Variants in PTPN14 observed in about 807,000 individuals in gnomAD.
The protein encoded by PTPN14 is tyrosine-protein phosphatase non-receptor type 14.
In PTPN14, 53 loss-of-function variants were observed where a neutral mutation model predicts 126.8. The ratio of observed to expected loss-of-function variants is 0.42; its 90% CI spans 0.34 to 0.53. PTPN14 has a LOEUF of 0.53. Among genes scored for constraint, PTPN14 ranks in the 20% least tolerant of loss-of-function variants. The pLI, the probability that PTPN14 is intolerant of heterozygous loss-of-function variation, is 0.08. For missense variants in PTPN14, 1,257 were observed against 1,552.9 expected (o/e 0.81, Z 3.20); for synonymous variants, 630 against 599.3 (o/e 1.05, Z -0.75).
chr1:214,403,472 C>T (rs114079648), intron 5 of PTPN14, among the ~76,000 whole-genome samples: 4,653 of 152,234 alleles, frequency 0.031, 115 homozygotes, highest in Middle Eastern at 0.065. Flanking sequence ...GAAGCCATGA[C>T]GGCTAAAACA....
intron 1 of PTPN14, among the ~76,000 whole-genome samples, chr1:214,510,716 C>T (rs1427628799): frequency 6.6e-6 from 1 of 152,162 alleles, no homozygotes. Context: ...CTACTTTGGA[C>T]ACATAGCTAG....
intron 1 of PTPN14, among the ~76,000 whole-genome samples, chr1:214,513,859 G>A (rs962140196): frequency 1.3e-5 from 2 of 152,110 alleles, no homozygotes; most frequent in Non-Finnish European, 2.9e-5. Flanking sequence ...GGCAAAAGTC[G>A]ATTCTCATTA....
chr1:214,511,846 T>C (rs762409608), intron 1 of PTPN14, among the ~76,000 whole-genome samples: 5 of 152,234 alleles, frequency 3.3e-5, no homozygotes, highest in Non-Finnish European at 5.9e-5. Context: ...TCCTGATACA[T>C]GCTACAACAT....
rs1242280205 is a variant in PTPN14, at chr1:214,384,524, T to C, written c.1331A>G (p.Asp444Gly). Reference protein sequence around the residue: ...IIVPSYRPTPDYETVMRQMKR... With the variant: ...IIVPSYRPTPGYETVMRQMKR... Reference sequence around the variant, plus strand: ...CATCTGGCGCATGACTGTCTCATAATCGGGGGTTGGCCTGTACGAGGGCAC... The same window carrying C: ...CATCTGGCGCATGACTGTCTCATAACCGGGGGTTGGCCTGTACGAGGGCAC... The change falls in exon 13 of 19, where the codon GAT becomes GGT. Residue 444 changes from aspartate to glycine, a missense_variant. Asp to Gly is a moderately conservative substitution (Grantham distance 94, BLOSUM62 -1). Coordinates refer to ENST00000366956, the MANE Select transcript of PTPN14 (RefSeq NM_005401.5). The surrounding 1 kb of genome is among the most constrained non-coding windows in gnomAD (Gnocchi z 5.3). 1 of 1,613,944 alleles carries C rather than the reference T, an allele frequency of 6.2e-7. No individual in the cohort carries two copies. Among genetic ancestry groups the C allele is most frequent in the Non-Finnish European group, 8.5e-7 (1 of 1,180,014 alleles).
intron 3 of PTPN14, among the ~76,000 whole-genome samples, chr1:214,427,019 G>C (rs939854479): frequency 6.6e-6 from 1 of 152,092 alleles, no homozygotes; most frequent in African/African-American, 2.4e-5. Flanking sequence ...GGTGGCTCAC[G>C]CCTGTAATCC....
chr1:214,517,487 T>TTA (rs1558138353), intron 1 of PTPN14, among the ~76,000 whole-genome samples: 2 of 138,388 alleles, frequency 1.4e-5, no homozygotes, highest in African/African-American at 5.2e-5. Context: ...AGCATAATAT[T>TTA]AAAAAAAAAA....
chr1:214,432,060 C>T (rs1251860223), intron 3 of PTPN14, among the ~76,000 whole-genome samples: 1 of 152,078 alleles, frequency 6.6e-6, no homozygotes, highest in Non-Finnish European at 1.5e-5. Context: ...TGGCACATGC[C>T]TGTAGTCCCA....
chr1:214,444,400 A>C (rs542586569), intron 3 of PTPN14, among the ~76,000 whole-genome samples: 16 of 152,340 alleles, frequency 1.1e-4, no homozygotes, highest in African/African-American at 3.8e-4. Flanking sequence ...ATTCATGCTT[A>C]ATCTTAAGAC....
At chr1:214,372,282 T>C (rs1437937108) in intron 16 of PTPN14, 2 of 185,746 alleles carry the variant, frequency 1.1e-5, no homozygotes, top group Non-Finnish European at 2.1e-5. Flanking sequence ...ATAAGGATGA[T>C]GGCATGTGGA....
chr1:214,406,386 C>A (rs1247086770), intron 5 of PTPN14, among the ~76,000 whole-genome samples: 1 of 151,230 alleles, frequency 6.6e-6, no homozygotes, highest in Non-Finnish European at 1.5e-5. Flanking sequence ...GAAGCTGAGG[C>A]AGGAGAATCG....
At chr1:214,546,095 C>T (rs1314793715) in intron 1 of PTPN14, among the ~76,000 whole-genome samples, 1 of 152,132 alleles carries the variant, frequency 6.6e-6, no homozygotes, top group East Asian at 1.9e-4. Flanking sequence ...CCATACCAAG[C>T]CTGAGGAACA....
intron 7 of PTPN14, among the ~76,000 whole-genome samples, chr1:214,400,839 G>A (rs779882039): frequency 2.6e-5 from 4 of 152,278 alleles, no homozygotes; most frequent in Admixed American, 6.5e-5. Context: ...CACCCTGCTC[G>A]ATTCTACTTG....
intron 3 of PTPN14, among the ~76,000 whole-genome samples, chr1:214,435,009 C>T (rs953531687): frequency 1.3e-5 from 2 of 152,166 alleles, no homozygotes; most frequent in African/African-American, 2.4e-5. Flanking sequence ...GTACAATGCC[C>T]ATGTGAATTT....
chr1:214,450,977 T>C (rs1351165331), intron 3 of PTPN14, among the ~76,000 whole-genome samples: 1 of 152,204 alleles, frequency 6.6e-6, no homozygotes, highest in Non-Finnish European at 1.5e-5. Flanking sequence ...TCTTGTCTCC[T>C]CTTATTTAGT....
chr1:214,389,247 A>G (rs969579354), intron 11 of PTPN14, among the ~76,000 whole-genome samples: 3 of 152,236 alleles, frequency 2.0e-5, no homozygotes, highest in Admixed American at 6.5e-5. Context: ...AAAAAAACCA[A>G]TAAGTAAGTT....
At chr1:214,533,044 G>A in intron 1 of PTPN14, 2 of 748,764 alleles carry the variant, frequency 2.7e-6, no homozygotes, top group East Asian at 2.5e-5. Context: ...CGCCCAGGTT[G>A]GAGCTGCTGA....
At chr1:214,526,446 A>G (rs1035064290) in intron 1 of PTPN14, among the ~76,000 whole-genome samples, 28 of 152,290 alleles carry the variant, frequency 1.8e-4, no homozygotes, top group African/African-American at 6.7e-4. Flanking sequence ...GAATATATTC[A>G]ATTGCCAATA....
At chr1:214,382,286 T>G (rs1418765529) in intron 13 of PTPN14, among the ~76,000 whole-genome samples, 2 of 152,094 alleles carry the variant, frequency 1.3e-5, no homozygotes, top group African/African-American at 4.8e-5. Context: ...GCCTGCATAG[T>G]CCTGTTCTGA....
chr1:214,542,964 T>C (rs911122062), intron 1 of PTPN14, among the ~76,000 whole-genome samples: 6 of 152,166 alleles, frequency 3.9e-5, no homozygotes, highest in Non-Finnish European at 8.8e-5. Context: ...GCCAAGCTTG[T>C]GATTTGGGGG....
Sources: allele counts gnomAD v4.1 joint callset (sites outside exome capture counted in the v4.1 genomes callset), GRCh38; gene constraint gnomAD v4.1.1; non-coding constraint Gnocchi (gnomAD v3.1); transcripts MANE v1.5; gene names NCBI Gene and HGNC (gene_info 2026-07-23, HGNC 2026-07-21).